The following USP34 variants were observed in gnomAD, a reference collection of about 807,000 sequenced individuals.
USP34 encodes the protein ubiquitin specific peptidase 34.
A neutral mutation model predicts 460.3 loss-of-function variants in USP34; 70 were observed. That is an observed-to-expected ratio of 0.15 (90% CI 0.13 to 0.19). The LOEUF (loss-of-function observed/expected upper bound fraction) is 0.19, where lower values mean the gene tolerates loss of function less well. Ranked by LOEUF, USP34 falls within the 10% of genes least tolerant of loss-of-function variation. The probability of loss-of-function intolerance (pLI) is 1.00; values close to 1 mark genes in which losing one functional copy is unlikely to be tolerated. For synonymous variants in USP34, 1,647 were observed against 1,405.3 expected, an observed-to-expected ratio of 1.17 and a Z score of -3.85; for missense variants, 3,985 against 4,236.2, an observed-to-expected ratio of 0.94 and a Z score of 1.65.
chr2:61,301,172 AGG>A lies in USP34; in HGVS notation c.3919-14_3919-13del. ...GATACAAATACCATCTATAAAAAAC[AGG>A]AAAAAAAATTTATGCATATCAAGCT... On this transcript the variant is annotated splice_polypyrimidine_tract_variant and intron_variant, in intron 28 of 79. Coordinates refer to ENST00000398571, the MANE Select transcript of USP34 (RefSeq NM_014709.4). The A allele has an allele frequency of 5.4e-6, 8 of 1,476,552 alleles. No individual in the cohort carries two copies. In the Admixed American group the frequency reaches 1.2e-4, roughly 22 times the overall value. The allele number at this position is 1,476,552 out of a possible 1,614,324, so 91.5% of individuals were successfully genotyped here.
intron 3 of USP34, among the ~76,000 whole-genome samples, chr2:61,399,874 C>CAAA (rs529141667): frequency 1.3e-4 from 9 of 69,982 alleles, no homozygotes; most frequent in African/African-American, 4.0e-4. Context: ...CACTGTCTCC[C>CAAA]AAAAAAAAAA....
chr2:61,462,644 T>C (rs1359344096), intron 1 of USP34, among the ~76,000 whole-genome samples: 1 of 151,618 alleles, frequency 6.6e-6, no homozygotes, highest in African/African-American at 2.4e-5. Flanking sequence ...GCGGATCACT[T>C]GAGGCCAGGA....
intron 76 of USP34, among the ~76,000 whole-genome samples, chr2:61,192,462 C>G (rs1012488407): frequency 1.3e-5 from 2 of 152,148 alleles, no homozygotes; most frequent in Non-Finnish European, 2.9e-5. Context: ...GCATCAGACC[C>G]CTGAAAAACT....
chr2:61,388,441 G>C (rs1341695194), intron 5 of USP34, among the ~76,000 whole-genome samples: 1 of 146,960 alleles, frequency 6.8e-6, no homozygotes, highest in African/African-American at 2.5e-5. Flanking sequence ...GGGGATGTGG[G>C]GGTACAGGGG....
chr2:61,415,250 G>A (rs1376017218), intron 2 of USP34, among the ~76,000 whole-genome samples: 2 of 152,072 alleles, frequency 1.3e-5, no homozygotes, highest in Non-Finnish European at 2.9e-5. Context: ...ATACTCTAGG[G>A]TTATGACCAG....
intron 19 of USP34, among the ~76,000 whole-genome samples, chr2:61,331,979 A>G (rs1691281678): frequency 1.3e-5 from 2 of 152,100 alleles, no homozygotes; most frequent in Non-Finnish European, 2.9e-5. Flanking sequence ...AAGTATTAAA[A>G]TTCTCTAAGT....
At chr2:61,427,767 C>G (rs1026584802) in intron 1 of USP34, among the ~76,000 whole-genome samples, 1 of 152,092 alleles carries the variant, frequency 6.6e-6, no homozygotes, top group African/African-American at 2.4e-5. Context: ...CAAACACAGA[C>G]TATTTGAAAA....
At chr2:61,240,224 C>T (rs1416653562) in intron 53 of USP34, among the ~76,000 whole-genome samples, 2 of 128,320 alleles carry the variant, frequency 1.6e-5, no homozygotes, top group African/African-American at 6.6e-5. Flanking sequence ...TGTACTATTA[C>T]TACTTACAAC....
At chr2:61,319,146 A>AT in intron 22 of USP34, 27 bp downstream of exon 22, 1 of 1,531,268 alleles carries the variant, frequency 6.5e-7, no homozygotes, top group Non-Finnish European at 8.7e-7. Context: ...TGGAAAAATA[A>AT]TAACAAACTG....
At chr2:61,409,004 G>A (rs1693962176) in intron 2 of USP34, among the ~76,000 whole-genome samples, 1 of 151,692 alleles carries the variant, frequency 6.6e-6, no homozygotes, top group Non-Finnish European at 1.5e-5. Flanking sequence ...CAGATGACTA[G>A]AGGCCAGGAG....
At chr2:61,263,211 G>C (rs1046370339) in intron 43 of USP34, among the ~76,000 whole-genome samples, 9 of 123,554 alleles carry the variant, frequency 7.3e-5, no homozygotes, top group African/African-American at 2.3e-4. Flanking sequence ...GAGAAGTCTC[G>C]CTCTTGTCCC....
At chr2:61,325,868 TAATAA>T (rs1276622199) in intron 20 of USP34, among the ~76,000 whole-genome samples, 2 of 152,194 alleles carry the variant, frequency 1.3e-5, no homozygotes, top group African/African-American at 4.8e-5. Context: ...CAAGAAACAC[TAATAA>T]AATAATATTT....
At position 61,190,669 on chromosome 2, in the gene USP34, G is replaced by GAGAA. The variant is rs771056660; in HGVS notation, c.9589-15_9589-12dup. 3.7e-6 allele frequency: 6 copies of GAGAA among 1,610,678 alleles called. No homozygotes were observed. The highest frequency in any genetic ancestry group is 5.1e-6 in the Non-Finnish European group (6 of 1,178,864). ...TTTTGACATAGCAGACTAAAGTGGG[G>GAGAA]AGAAGATGGTTGAGCACTTACGGTT... On this transcript the variant is annotated splice_polypyrimidine_tract_variant and intron_variant, in intron 76 of 79. Transcript: ENST00000398571.
At chr2:61,226,187 C>T (rs904548742) in intron 62 of USP34, among the ~76,000 whole-genome samples, 2 of 152,142 alleles carry the variant, frequency 1.3e-5, no homozygotes, top group Non-Finnish European at 2.9e-5. Flanking sequence ...AAAATTTTCA[C>T]AGCATACACC....
At chr2:61,386,772 G>C (rs894538298) in intron 5 of USP34, among the ~76,000 whole-genome samples, 2 of 152,086 alleles carry the variant, frequency 1.3e-5, no homozygotes, top group Admixed American at 6.6e-5. Context: ...CCTGGCAACA[G>C]AGCGAGACTC....
intron 62 of USP34, among the ~76,000 whole-genome samples, chr2:61,223,859 C>T (rs1031298942): frequency 6.6e-6 from 1 of 152,082 alleles, no homozygotes; most frequent in Non-Finnish European, 1.5e-5. Flanking sequence ...AAAATTTCAG[C>T]TATATTAAAA....
intron 19 of USP34, among the ~76,000 whole-genome samples, chr2:61,331,769 AT>A: frequency 6.7e-6 from 1 of 150,116 alleles, no homozygotes; most frequent in African/African-American, 2.4e-5. Flanking sequence ...ATTTGCTTAT[AT>A]TTTTGAACAA....
chr2:61,358,004 G>A (rs1485947943), intron 10 of USP34, among the ~76,000 whole-genome samples: 8 of 151,772 alleles, frequency 5.3e-5, no homozygotes, highest in Admixed American at 6.6e-5. Context: ...CAGCCTGGCC[G>A]ACATGGCGAA....
At chr2:61,190,034 T>TCC (rs1686583475) in intron 78 of USP34, 1 of 404,824 alleles carries the variant, frequency 2.5e-6, no homozygotes, top group Admixed American at 4.2e-5. Context: ...ACTAAGATGT[T>TCC]CCCTTTATTA....
Sources: allele counts gnomAD v4.1 joint callset (sites outside exome capture counted in the v4.1 genomes callset), GRCh38; gene constraint gnomAD v4.1.1; transcripts MANE v1.5; gene names NCBI Gene and HGNC (gene_info 2026-07-23, HGNC 2026-07-21).